The following HORMAD2 variants were observed in gnomAD, a reference collection of about 807,000 sequenced individuals.
HORMAD2 encodes HORMA domain containing 2.
HORMAD2 carries 45 observed loss-of-function variants against 38.8 expected under a neutral mutation model. The ratio of observed to expected loss-of-function variants is 1.16; its 90% CI spans 0.91 to 1.49. The LOEUF is 1.49. Among genes scored for constraint, HORMAD2 ranks in the 40% most tolerant of loss-of-function variants. HORMAD2 has a pLI of 0.00. For missense variants in HORMAD2, 338 were observed against 367.0 expected, an observed-to-expected ratio of 0.92 and a Z score of 0.65; for synonymous variants, 126 against 122.8, an observed-to-expected ratio of 1.03 and a Z score of -0.17.
intron 10 of HORMAD2, among the ~76,000 whole-genome samples, chr22:30,138,166 T>C (rs779837055): frequency 2.6e-5 from 4 of 152,186 alleles, no homozygotes; most frequent in Non-Finnish European, 5.9e-5. Context: ...TGACTAATGA[T>C]GTCAAGCATC....
intron 6 of HORMAD2, 45 bp from the exon 7 acceptor site, chr22:30,112,451 T>C (rs765926499): frequency 7.1e-6 from 7 of 986,372 alleles, no homozygotes; most frequent in Middle Eastern, 2.1e-4. Context: ...AGGAGTAATC[T>C]AGTAAATTCC....
At chr22:30,134,091 G>A (rs1923479106) in intron 10 of HORMAD2, among the ~76,000 whole-genome samples, 1 of 152,110 alleles carries the variant, frequency 6.6e-6, no homozygotes, top group South Asian at 2.1e-4. Flanking sequence ...TCATTGTGAA[G>A]AAAGTTTAAA....
At chr22:30,112,150 A>G (rs1921711310) in intron 6 of HORMAD2, among the ~76,000 whole-genome samples, 1 of 152,134 alleles carries the variant, frequency 6.6e-6, no homozygotes. Context: ...TCTGAGTTTA[A>G]CATGTTATAC....
At chr22:30,187,339 G>A in the HORMAD2 span, among the ~76,000 whole-genome samples, 15 of 152,186 alleles carry the variant, frequency 9.9e-5, no homozygotes, top group Non-Finnish European at 2.2e-4. Flanking sequence ...ACCACAGGAA[G>A]TGGTAAAGGT....
At chr22:30,151,021 C>T (rs943932879) in intron 10 of HORMAD2, among the ~76,000 whole-genome samples, 25 of 152,290 alleles carry the variant, frequency 1.6e-4, no homozygotes, top group Admixed American at 9.8e-4. Flanking sequence ...CTTATTTTAG[C>T]TCCTCTACCT....
At chr22:30,137,280 G>T in intron 10 of HORMAD2, 1 of 537,028 alleles carries the variant, frequency 1.9e-6, no homozygotes, top group Non-Finnish European at 3.5e-6. Flanking sequence ...GACCCTTGAG[G>T]CCATCAGATG....
At chr22:30,089,146 C>T (rs1203536339) in intron 1 of HORMAD2, among the ~76,000 whole-genome samples, 1 of 152,134 alleles carries the variant, frequency 6.6e-6, no homozygotes, top group Non-Finnish European at 1.5e-5. Flanking sequence ...GCAAATAATT[C>T]TGCCCTCTTG....
Position 30,088,118 on chromosome 22 carries a change from C to CACATGTGTACATAT in HORMAD2, c.-37-5795_-37-5794insTGTGTACATATACA, listed in dbSNP as rs1569079478. Among the ~76,000 whole-genome samples, 1,454 of 149,892 alleles carry CACATGTGTACATAT rather than the reference C, an allele frequency of 9.7e-3. 22 individuals carry two copies. The highest frequency in any genetic ancestry group is 0.034 in the African/African-American group (1,398 of 41,110). ...ACACACGTACACACGTGTACATATACACACACGTACACATGTGTACATATA... is the reference window on the plus strand; with the variant it reads ...ACACACGTACACACGTGTACATATACACATGTGTACATATACACACGTACACATGTGTACATATA... On this transcript the variant is annotated intron_variant, in intron 1 of 10. Coordinates refer to ENST00000336726, the MANE Select transcript of HORMAD2 (RefSeq NM_152510.4).
At chr22:30,192,699 A>G in the HORMAD2 span, among the ~76,000 whole-genome samples, 1 of 152,104 alleles carries the variant, frequency 6.6e-6, no homozygotes, top group Non-Finnish European at 1.5e-5. Context: ...TTTCTAATGT[A>G]AAGTTTTATT....
At chr22:30,104,214 A>G (rs1921018675) in intron 4 of HORMAD2, among the ~76,000 whole-genome samples, 187 bp from the exon 5 acceptor site, 1 of 152,204 alleles carries the variant, frequency 6.6e-6, no homozygotes, top group African/African-American at 2.4e-5. Flanking sequence ...ATAGCTCACT[A>G]TTACTTATAA....
chr22:30,079,216 G>T (rs2068428551), upstream of HORMAD2, among the ~76,000 whole-genome samples: 1 of 151,976 alleles, frequency 6.6e-6, no homozygotes, highest in African/African-American at 2.4e-5. Flanking sequence ...GAGGTTCATG[G>T]GACTCCAGGA....
intron 10 of HORMAD2, among the ~76,000 whole-genome samples, chr22:30,143,783 A>T (rs1020349434): frequency 6.6e-6 from 1 of 152,076 alleles, no homozygotes; most frequent in Non-Finnish European, 1.5e-5. Flanking sequence ...GTGGGGCCTG[A>T]TGGGAGGTGT....
intron 10 of HORMAD2, among the ~76,000 whole-genome samples, chr22:30,163,459 CTG>C (rs533682744): frequency 2.8e-4 from 42 of 152,318 alleles, no homozygotes; most frequent in Admixed American, 2.4e-3. Flanking sequence ...GGGTCTCACT[CTG>C]TTGCCCAGGC....
chr22:30,179,401 A>G (rs1033909805), downstream of HORMAD2, among the ~76,000 whole-genome samples: 3 of 152,166 alleles, frequency 2.0e-5, no homozygotes, highest in East Asian at 3.8e-4. Flanking sequence ...TGACTGTGTG[A>G]TTTGTGTACT....
At position 30,093,922 on chromosome 22, in the gene HORMAD2, C is replaced by G. The variant is rs374811011; in HGVS notation, c.-31C>G. On this transcript the variant is annotated 5_prime_UTR_variant, in exon 2 of 11. Transcript: ENST00000336726. ...ATTAATTATTTTTTAATAGGTTGGACTTGTTGAAATAATCCTGATACATTC... is the reference window on the plus strand; with the variant it reads ...ATTAATTATTTTTTAATAGGTTGGAGTTGTTGAAATAATCCTGATACATTC... 9 of 1,523,482 alleles carry G rather than the reference C, an allele frequency of 5.9e-6. No individual in the cohort carries two copies. The African/African-American group carries it at 1.2e-4, about 21-fold the overall frequency. The allele number at this position is 1,523,482 out of a possible 1,614,324, so 94.4% of individuals were successfully genotyped here. A position where few individuals can be genotyped will look rare whatever the true frequency, so the allele number is the denominator to read the frequency against.
At chr22:30,200,074 G>A in the HORMAD2 span, among the ~76,000 whole-genome samples, 21 of 152,112 alleles carry the variant, frequency 1.4e-4, no homozygotes, top group African/African-American at 4.1e-4. Context: ...CTGCTACCAC[G>A]CCTGGCTAAT....
At chr22:30,141,746 C>T (rs971724605) in intron 10 of HORMAD2, among the ~76,000 whole-genome samples, 3 of 151,990 alleles carry the variant, frequency 2.0e-5, no homozygotes, top group South Asian at 4.2e-4. Context: ...AGGCATGTGC[C>T]ACCACCCCCG....
intron 10 of HORMAD2, among the ~76,000 whole-genome samples, chr22:30,148,259 A>G (rs1356580843): frequency 1.3e-5 from 2 of 152,356 alleles, no homozygotes; most frequent in Middle Eastern, 3.4e-3. Context: ...AGGGAAAGAA[A>G]AAGAAAAAAA....
At chr22:30,107,470 C>T (rs370541565) in intron 5 of HORMAD2, among the ~76,000 whole-genome samples, 1 of 151,944 alleles carries the variant, frequency 6.6e-6, no homozygotes, top group Non-Finnish European at 1.5e-5. Flanking sequence ...AGTTTGAGGC[C>T]GAACACAGTG....
Sources: allele counts gnomAD v4.1 joint callset (sites outside exome capture counted in the v4.1 genomes callset), GRCh38; gene constraint gnomAD v4.1.1; transcripts MANE v1.5; gene names NCBI Gene and HGNC (gene_info 2026-07-23, HGNC 2026-07-21).